CLSTN2: variants seen among roughly 807,000 people sequenced by gnomAD.
The protein encoded by CLSTN2 is calsyntenin 2, also known as calsyntenin-2.
Under a neutral mutation model 101.2 loss-of-function variants are expected in CLSTN2, and 48 were observed. That is an observed-to-expected ratio of 0.47 (90% CI 0.38 to 0.60). The LOEUF is 0.60. CLSTN2 is among the 20% of genes least tolerant of loss of function. The pLI is 0.00. For missense variants in CLSTN2, 1,160 were observed against 1,238.2 expected, an observed-to-expected ratio of 0.94 and a Z score of 0.95; for synonymous variants, 481 against 463.6, an observed-to-expected ratio of 1.04 and a Z score of -0.48.
chr3:140,129,603 T>C (rs1251254679), intron 1 of CLSTN2, among the ~76,000 whole-genome samples: 1 of 152,190 alleles, frequency 6.6e-6, no homozygotes, highest in Non-Finnish European at 1.5e-5. Context: ...AGGTTAAAGA[T>C]AAGGACTGTA....
At chr3:140,015,061 A>G (rs1030622674) in intron 1 of CLSTN2, among the ~76,000 whole-genome samples, 1 of 152,150 alleles carries the variant, frequency 6.6e-6, no homozygotes, top group African/African-American at 2.4e-5. Context: ...CCTCTTATTC[A>G]CATCCATCCC....
In CLSTN2 at chr3:140,100,786, G is replaced by C. The variant is rs115588739; in HGVS notation, c.110-75165G>C. Among the ~76,000 whole-genome samples the C allele has an allele frequency of 2.2e-3, 338 of 152,330 alleles. 3 individuals carry two copies. The highest frequency in any genetic ancestry group is 7.7e-3 in the African/African-American group (319 of 41,578). On this transcript the variant is annotated intron_variant, in intron 1 of 16. Coordinates refer to ENST00000458420, the MANE Select transcript of CLSTN2 (RefSeq NM_022131.3). ...CGGGAGACGCATCATCAGCCAGAAG[G>C]CTGCTGTAGAGTGTTGGCAAGATTC...
chr3:140,095,505 G>A (rs2008854931), intron 1 of CLSTN2, among the ~76,000 whole-genome samples: 1 of 152,214 alleles, frequency 6.6e-6, no homozygotes, highest in Admixed American at 6.5e-5. Flanking sequence ...CATTAGTGGA[G>A]AACTGGAGGA....
intron 1 of CLSTN2, among the ~76,000 whole-genome samples, chr3:140,069,400 T>G (rs570753748): frequency 8.0e-4 from 122 of 152,224 alleles, no homozygotes; most frequent in African/African-American, 2.6e-3. Flanking sequence ...CCTGTTGAGA[T>G]GCTGAGACCC....
intron 1 of CLSTN2, among the ~76,000 whole-genome samples, chr3:140,175,351 G>T (rs879811544): frequency 2.1e-4 from 31 of 149,528 alleles, no homozygotes; most frequent in Admixed American, 2.0e-4. Flanking sequence ...TTAGACCACT[G>T]AGATACACAG....
At chr3:140,038,182 T>G (rs2007695645) in intron 1 of CLSTN2, among the ~76,000 whole-genome samples, 2 of 152,128 alleles carry the variant, frequency 1.3e-5, no homozygotes, top group Admixed American at 6.6e-5. Flanking sequence ...AAGCATTCCT[T>G]TTTCACTGCA....
chr3:140,288,921 C>T (rs758449031), intron 2 of CLSTN2, among the ~76,000 whole-genome samples: 4 of 146,030 alleles, frequency 2.7e-5, no homozygotes, highest in Non-Finnish European at 6.0e-5. Context: ...CTCTTCTGGG[C>T]AGCCTCCCCA....
chr3:140,335,183 T>C (rs1203259913), intron 2 of CLSTN2, among the ~76,000 whole-genome samples: 1 of 152,204 alleles, frequency 6.6e-6, no homozygotes, highest in Non-Finnish European at 1.5e-5. Flanking sequence ...AGTTGGACCC[T>C]GGTCTTGATG....
chr3:140,492,370 A>G (rs1389960561), intron 8 of CLSTN2, among the ~76,000 whole-genome samples: 6 of 152,352 alleles, frequency 3.9e-5, no homozygotes, highest in African/African-American at 1.4e-4. Context: ...TTGAGCAATA[A>G]ACAGGTCTCA....
chr3:140,381,909 C>G (rs1299651190), intron 2 of CLSTN2, among the ~76,000 whole-genome samples: 1 of 152,150 alleles, frequency 6.6e-6, no homozygotes, highest in Non-Finnish European at 1.5e-5. Flanking sequence ...GGGGTCAGAC[C>G]AGCAAGCATT....
At chr3:140,233,472 G>A (rs1294227819) in intron 2 of CLSTN2, among the ~76,000 whole-genome samples, 2 of 152,128 alleles carry the variant, frequency 1.3e-5, no homozygotes, top group Non-Finnish European at 2.9e-5. Context: ...TGGACTCTCT[G>A]AGAAAAGGAA....
Position 140,404,671 on chromosome 3 carries a change from T to A in CLSTN2, c.542T>A (p.Val181Glu), listed in dbSNP as rs1249519422. 1 of 1,614,176 alleles carries A rather than the reference T, an allele frequency of 6.2e-7. No homozygotes were observed. ...EGKIYDSILQ[V>E]EAIDEDCSPQ... ...AAGATCTATGACAGCATTCTGCAGG[T>A]GGAGGCCATTGACGAGGACTGCTCC... Residue 181 changes from valine (V) to glutamate (E), a missense_variant, in exon 4 of 17, where the codon GTG (valine) becomes GAG (glutamate). Transcript: ENST00000458420.
intron 15 of CLSTN2, among the ~76,000 whole-genome samples, 198 bp downstream of exon 15, chr3:140,563,401 C>T (rs544564946): frequency 2.4e-4 from 36 of 152,294 alleles, no homozygotes; most frequent in South Asian, 4.1e-4. Flanking sequence ...CAAGAAATTA[C>T]GCAACACACA....
chr3:140,115,639 G>A lies in CLSTN2; in HGVS notation c.110-60312G>A, dbSNP rs542387153. 1.7e-4 allele frequency among the ~76,000 whole-genome samples: 26 copies of A among 152,296 alleles called. No individual in the cohort carries two copies. The South Asian group carries it at 5.2e-3, about 30-fold the overall frequency. ...TGCCCCTCAGCAGGCAGGGCAGCCT[G>A]AGCCAAAAGCCTTTGTGTTTGACAT... is the stretch of plus-strand genomic sequence containing the variant. On this transcript the variant is annotated intron_variant, in intron 1 of 16. Transcript: ENST00000458420.
intron 2 of CLSTN2, among the ~76,000 whole-genome samples, chr3:140,184,522 T>G (rs143785909): frequency 4.9e-4 from 75 of 152,244 alleles, no homozygotes; most frequent in African/African-American, 1.8e-3. Context: ...TCAGCTTCCA[T>G]TAGGTCCCTC....
chr3:140,534,628 G>A (rs1935325374), intron 9 of CLSTN2, among the ~76,000 whole-genome samples: 1 of 152,192 alleles, frequency 6.6e-6, no homozygotes, highest in Non-Finnish European at 1.5e-5. Flanking sequence ...GGCTGGATAT[G>A]TAGCAAGAGG....
intron 5 of CLSTN2, among the ~76,000 whole-genome samples, chr3:140,428,257 G>A (rs1440981327): frequency 6.6e-6 from 1 of 151,784 alleles, no homozygotes; most frequent in Non-Finnish European, 1.5e-5. Context: ...TAATCCCTTG[G>A]CCCATCTTTT....
intron 1 of CLSTN2, among the ~76,000 whole-genome samples, chr3:140,172,595 G>A (rs1405506259): frequency 1.3e-5 from 2 of 152,154 alleles, no homozygotes; most frequent in African/African-American, 4.8e-5. Context: ...GGGTGGATTA[G>A]TCCATTTTCT....
At chr3:140,170,492 G>T (rs56301234) in intron 1 of CLSTN2, among the ~76,000 whole-genome samples, 9,049 of 152,216 alleles carry the variant, frequency 0.059, 933 homozygotes, top group African/African-American at 0.2. Flanking sequence ...CTAAGCCTCA[G>T]TTACTCACCT....
Sources: gnomAD v4.1 joint callset for allele counts (sites outside exome capture counted in the v4.1 genomes callset) on GRCh38, gnomAD v4.1.1 for gene constraint, MANE v1.5 for transcripts, NCBI Gene and HGNC (gene_info 2026-07-23, HGNC 2026-07-21) for gene names.